The following CALCRL variants were observed in gnomAD, a reference collection of about 807,000 sequenced individuals.
CALCRL encodes calcitonin receptor like receptor.
Under a neutral mutation model 60.4 loss-of-function variants are expected in CALCRL, and 27 were observed. The ratio of observed to expected loss-of-function variants is 0.45; its 90% CI spans 0.33 to 0.62. CALCRL has a LOEUF of 0.62. CALCRL is among the 20% of genes least tolerant of loss of function. The pLI is 0.03. For missense variants in CALCRL, 424 were observed against 540.7 expected (o/e 0.78, Z 2.14); for synonymous variants, 190 against 182.6 (o/e 1.04, Z -0.33).
chr2:187,359,108 G>A lies in CALCRL; in HGVS notation c.864C>T (p.Thr288=). 6.2e-7 allele frequency: 1 copy of A among 1,612,880 alleles called. No individual in the cohort carries two copies. Among genetic ancestry groups the A allele is most frequent in the South Asian group, 1.1e-5 (1 of 91,044 alleles). Residue 288 remains threonine (T), a synonymous_variant, in exon 12 of 15, where the codon ACC becomes ACT. Transcript: ENST00000392370. ...YNDNCWISSD[T]HLLYIIHGPI... is the part of the protein sequence containing the mutation. ...GGCCATGGATAATGTAGAGGAGATG[G>A]GTATCAGAACTGATCCAGCAACTAG...
At chr2:187,367,082 A>G (rs1687331015) in intron 8 of CALCRL, among the ~76,000 whole-genome samples, 1 of 152,168 alleles carries the variant, frequency 6.6e-6, no homozygotes, top group South Asian at 2.1e-4. Context: ...CTTGAAATTT[A>G]CTGAATGTTT....
At chr2:187,400,045 T>A (rs1399307197) in intron 1 of CALCRL, among the ~76,000 whole-genome samples, 1 of 151,272 alleles carries the variant, frequency 6.6e-6, no homozygotes, top group Non-Finnish European at 1.5e-5. Context: ...ATGGAGTAAA[T>A]ACAGTTAAAA....
intron 8 of CALCRL, among the ~76,000 whole-genome samples, chr2:187,367,160 G>A (rs3771088): frequency 0.084 from 12,732 of 152,000 alleles, 678 homozygotes; most frequent in South Asian, 0.17. Context: ...CATTAATTTA[G>A]AGTGTTTTAT....
At chr2:187,385,664 C>A in intron 3 of CALCRL, 33 bp from the exon 4 acceptor site, 1 of 1,059,158 alleles carries the variant, frequency 9.4e-7, no homozygotes, top group Non-Finnish European at 1.4e-6. Flanking sequence ...TATAATTCAT[C>A]AATATTTATG....
chr2:187,413,977 G>T (rs899501274), intron 1 of CALCRL, among the ~76,000 whole-genome samples: 1 of 152,096 alleles, frequency 6.6e-6, no homozygotes, highest in East Asian at 1.9e-4. Flanking sequence ...ATAAAATGTG[G>T]ATAATAATAT....
chr2:187,418,353 A>C (rs1028139397), intron 1 of CALCRL, among the ~76,000 whole-genome samples: 1 of 152,226 alleles, frequency 6.6e-6, no homozygotes, highest in Non-Finnish European at 1.5e-5. Context: ...AGAATTGAGA[A>C]TCATGTAAAA....
chr2:187,439,575 A>G (rs1251271476), intron 1 of CALCRL, among the ~76,000 whole-genome samples: 1 of 152,170 alleles, frequency 6.6e-6, no homozygotes, highest in Non-Finnish European at 1.5e-5. Flanking sequence ...ATTACAGGAA[A>G]AAAGGACAAA....
At position 187,344,103 on chromosome 2, in the gene CALCRL, TA is replaced by T. The variant is rs1242564411; in HGVS notation, c.*2080del. On this transcript the variant is annotated 3_prime_UTR_variant, in exon 15 of 15. Coordinates refer to ENST00000392370, the MANE Select transcript of CALCRL (RefSeq NM_005795.6). ...ATGTCAACATGGTCAGCAAAGGATTTAAATATGGGTCTTTGAATAATAAATA... is the reference window on the plus strand; with the variant it reads ...ATGTCAACATGGTCAGCAAAGGATTTAATATGGGTCTTTGAATAATAAATA... The T allele has an allele frequency of 1.3e-5, 2 of 151,610 alleles. No individual in the cohort carries two copies. Among genetic ancestry groups the T allele is most frequent in the Non-Finnish European group, 1.5e-5 (1 of 67,642 alleles). The allele number at this position is 151,610 out of a possible 1,614,324, so 9.4% of individuals were successfully genotyped here. A position where few individuals can be genotyped will look rare whatever the true frequency, so the allele number is the denominator to read the frequency against.
At chr2:187,397,009 G>C (rs568257537) in intron 1 of CALCRL, among the ~76,000 whole-genome samples, 2 of 151,722 alleles carry the variant, frequency 1.3e-5, no homozygotes, top group East Asian at 3.9e-4. Flanking sequence ...TCACACACTA[G>C]CAAATTAAAC....
At position 187,343,185 on chromosome 2, in the gene CALCRL, A is replaced by G. The variant is rs1045974700; in HGVS notation, c.*2999T>C. On this transcript the variant is annotated 3_prime_UTR_variant, in exon 15 of 15. Coordinates refer to ENST00000392370, the MANE Select transcript of CALCRL (RefSeq NM_005795.6). ...GAAGACTTTAAAGAGGGCAAAAGAT[A>G]TATTTTGTTAAGAGATTTGTTAATT... The G allele has an allele frequency of 6.6e-6, 1 of 151,480 alleles. No homozygotes were observed. The highest frequency in any genetic ancestry group is 1.5e-5 in the Non-Finnish European group (1 of 67,550). The allele number at this position is 151,480 out of a possible 1,614,324, so 9.4% of individuals were successfully genotyped here.
intron 1 of CALCRL, among the ~76,000 whole-genome samples, chr2:187,407,125 C>T (rs1270138829): frequency 6.6e-6 from 1 of 151,786 alleles, no homozygotes; most frequent in Admixed American, 6.6e-5. Context: ...TTTTTATCTT[C>T]CCCACTAAAG....
chr2:187,355,333 G>A (rs756419338), intron 12 of CALCRL, among the ~76,000 whole-genome samples: 6 of 152,046 alleles, frequency 3.9e-5, no homozygotes, highest in Admixed American at 3.3e-4. Flanking sequence ...CTTAAACACA[G>A]TATGTCACTC....
intron 1 of CALCRL, among the ~76,000 whole-genome samples, chr2:187,410,685 G>A (rs953666646): frequency 2.0e-5 from 3 of 152,176 alleles, no homozygotes; most frequent in Non-Finnish European, 4.4e-5. Flanking sequence ...TGGTGGGTGG[G>A]TGTAACATCA....
At chr2:187,404,214 G>A (rs999425477) in intron 1 of CALCRL, among the ~76,000 whole-genome samples, 16 of 151,838 alleles carry the variant, frequency 1.1e-4, no homozygotes, top group Admixed American at 6.6e-4. Flanking sequence ...CAACAACAGC[G>A]AAACATTTTC....
rs1271709277 is a variant in CALCRL, at chr2:187,359,282, C to T, written c.782-10G>A. On this transcript the variant is annotated splice_polypyrimidine_tract_variant and intron_variant, in intron 10 of 14. Coordinates refer to ENST00000392370, the MANE Select transcript of CALCRL (RefSeq NM_005795.6). ...GGAATCAGTGGAAATCCTGTAATAACAAAAAAAAAAGAAAATAAATAGGCA... is the reference window on the plus strand; with the variant it reads ...GGAATCAGTGGAAATCCTGTAATAATAAAAAAAAAAGAAAATAAATAGGCA... 7.3e-6 allele frequency: 9 copies of T among 1,240,248 alleles called. No homozygotes were observed. The East Asian group carries it at 2.2e-4, about 30-fold the overall frequency. The allele number at this position is 1,240,248 out of a possible 1,614,324, so 76.8% of individuals were successfully genotyped here.
intron 12 of CALCRL, 118 bp downstream of exon 12, chr2:187,358,945 T>C: frequency 2.4e-6 from 2 of 825,916 alleles, no homozygotes; most frequent in Non-Finnish European, 4.2e-6. Context: ...ATTTAAGCAC[T>C]GTGAACATGC....
intron 7 of CALCRL, 28 bp from the exon 8 acceptor site, chr2:187,379,059 G>T: frequency 1.5e-6 from 2 of 1,297,562 alleles, no homozygotes; most frequent in East Asian, 2.3e-5. Context: ...AAAAAAATTT[G>T]GTTCATATCA....
chr2:187,357,565 A>G (rs1686851692), intron 12 of CALCRL, among the ~76,000 whole-genome samples: 1 of 145,162 alleles, frequency 6.9e-6, no homozygotes, highest in Admixed American at 7.0e-5. Flanking sequence ...GGCGCTTAAA[A>G]CCCAAATGAC....
rs1686145889 is a variant in CALCRL at position 187,342,954 on chromosome 2, C to T, written c.*3230G>A. 6.6e-6 allele frequency among the ~76,000 whole-genome samples: 1 copy of T among 151,292 alleles called. No individual in the cohort carries two copies. Among genetic ancestry groups the T allele is most frequent in the Admixed American group, 6.6e-5 (1 of 15,164 alleles). ...TACCTTTAAATACTTATTTTTCTTT[C>T]TAATATTTAAACAAAACTACAAAAT... is the stretch of plus-strand genomic sequence containing the variant. On this transcript the variant is annotated 3_prime_UTR_variant, in exon 15 of 15. Coordinates refer to ENST00000392370, the MANE Select transcript of CALCRL (RefSeq NM_005795.6).
Sources: gnomAD v4.1 joint callset for allele counts (sites outside exome capture counted in the v4.1 genomes callset) on GRCh38, gnomAD v4.1.1 for gene constraint, MANE v1.5 for transcripts, NCBI Gene and HGNC (gene_info 2026-07-23, HGNC 2026-07-21) for gene names.